The following PARN variants were observed in gnomAD, a reference collection of about 807,000 sequenced individuals.
The protein encoded by PARN is poly(A)-specific ribonuclease.
Under a neutral mutation model 102.8 loss-of-function variants are expected in PARN, and 71 were observed. That is an observed-to-expected ratio of 0.69 (90% CI 0.57 to 0.84). The LOEUF (loss-of-function observed/expected upper bound fraction) is 0.84. Ranked by LOEUF, PARN falls within the 40% of genes least tolerant of loss-of-function variation. The probability of loss-of-function intolerance (pLI) is 0.00; values close to 1 mark genes in which losing one functional copy is unlikely to be tolerated. For missense variants in PARN, 782 were observed against 760.9 expected, an observed-to-expected ratio of 1.03 and a Z score of -0.33; for synonymous variants, 261 against 252.9, an observed-to-expected ratio of 1.03 and a Z score of -0.30.
chr16:14,441,434 A>G (rs1211662676), intron 23 of PARN, among the ~76,000 whole-genome samples: 1 of 152,258 alleles, frequency 6.6e-6, no homozygotes, highest in African/African-American at 2.4e-5. Context: ...ACGGATTCTA[A>G]GAAGCTGCAC....
intron 21 of PARN, among the ~76,000 whole-genome samples, chr16:14,522,471 T>G (rs1462283386): frequency 6.6e-6 from 1 of 152,114 alleles, no homozygotes; most frequent in Non-Finnish European, 1.5e-5. Context: ...GTCCTGGAGT[T>G]TAAGGTCAGC....
intron 21 of PARN, among the ~76,000 whole-genome samples, chr16:14,536,559 T>C (rs569681319): frequency 1.3e-5 from 2 of 152,372 alleles, no homozygotes; most frequent in South Asian, 4.1e-4. Flanking sequence ...TAAAGTGTGC[T>C]GTGCGATCTT....
chr16:14,581,310 C>CTTT (rs1481837349), intron 17 of PARN, among the ~76,000 whole-genome samples: 4 of 152,108 alleles, frequency 2.6e-5, no homozygotes, highest in African/African-American at 9.7e-5. Context: ...CCTCAGCCTC[C>CTTT]TAAAGTGCTG....
At chr16:14,522,298 C>T (rs1965778308) in intron 21 of PARN, among the ~76,000 whole-genome samples, 1 of 152,176 alleles carries the variant, frequency 6.6e-6, no homozygotes, top group Admixed American at 6.5e-5. Flanking sequence ...AAGGTAGAGC[C>T]TCTTCCCACT....
At chr16:14,596,311 G>A (rs1970506088) in intron 12 of PARN, among the ~76,000 whole-genome samples, 1 of 151,902 alleles carries the variant, frequency 6.6e-6, no homozygotes, top group Non-Finnish European at 1.5e-5. Flanking sequence ...AGCTCCAATG[G>A]CCAAAGGTGG....
At chr16:14,497,846 G>A (rs910207111) in intron 21 of PARN, among the ~76,000 whole-genome samples, 3 of 152,100 alleles carry the variant, frequency 2.0e-5, no homozygotes, top group South Asian at 2.1e-4. Flanking sequence ...TTTACTGGCC[G>A]GGTGCGGTGG....
chr16:14,445,755 G>C (rs1216743660), intron 23 of PARN, among the ~76,000 whole-genome samples: 2 of 152,148 alleles, frequency 1.3e-5, no homozygotes, highest in Non-Finnish European at 2.9e-5. Flanking sequence ...GTAGAGACGT[G>C]GTTTTGCCAT....
rs1567284389 is a variant in PARN, at chr16:14,446,953, G to A, written c.1799C>T (p.Pro600Leu). ...ELEQTDSCAE[P>L]LSEGRKKAKK... ...GGCCTTTTTCCTTCCCTCTGAGAGG[G>A]GCTCTGCACAGGAATCGGTCTGCTC... The change falls in exon 23 of 24, where the codon CCC (proline) becomes CTC (leucine). Residue 600 changes from proline (P) to leucine (L), a missense_variant. Transcript: ENST00000437198. 6.2e-7 allele frequency: 1 copy of A among 1,613,566 alleles called. No individual in the cohort carries two copies. The highest frequency in any genetic ancestry group is 8.5e-7 in the Non-Finnish European group (1 of 1,179,670).
intron 13 of PARN, among the ~76,000 whole-genome samples, chr16:14,591,717 T>A (rs1194053215): frequency 6.6e-6 from 1 of 151,856 alleles, no homozygotes; most frequent in African/African-American, 2.4e-5. Context: ...AACTCAAAGA[T>A]GAGAAATAAG....
chr16:14,481,876 G>A (rs1238842543), intron 22 of PARN, among the ~76,000 whole-genome samples: 1 of 152,148 alleles, frequency 6.6e-6, no homozygotes, highest in Non-Finnish European at 1.5e-5. Flanking sequence ...TCTTCTGCAG[G>A]GAGGATTATG....
At chr16:14,619,625 G>A (rs1972162192) in intron 5 of PARN, among the ~76,000 whole-genome samples, 1 of 152,046 alleles carries the variant, frequency 6.6e-6, no homozygotes, top group African/African-American at 2.4e-5. Flanking sequence ...GCCAGGTGTG[G>A]TGGTTCCCAT....
At chr16:14,556,284 G>A (rs111891475) in intron 18 of PARN, among the ~76,000 whole-genome samples, 26,944 of 151,762 alleles carry the variant, frequency 0.18, 2,782 homozygotes, top group Middle Eastern at 0.28. Context: ...TCAGCCTCCC[G>A]AGTTGCTGGG....
At chr16:14,528,516 C>T (rs1340000982) in intron 21 of PARN, among the ~76,000 whole-genome samples, 5 of 152,232 alleles carry the variant, frequency 3.3e-5, no homozygotes, top group Admixed American at 1.3e-4. Context: ...CATACAAACA[C>T]CAAGAGCTTC....
At chr16:14,606,164 C>CT in intron 10 of PARN, among the ~76,000 whole-genome samples, 1 of 152,266 alleles carries the variant, frequency 6.6e-6, no homozygotes, top group African/African-American at 2.4e-5. Context: ...CTCTGCGAGG[C>CT]CGAGGCGGGC....
intron 18 of PARN, among the ~76,000 whole-genome samples, chr16:14,557,207 G>A (rs920747676): frequency 6.6e-5 from 10 of 152,120 alleles, no homozygotes; most frequent in African/African-American, 2.4e-4. Context: ...ATCTGCCCAA[G>A]AAGCAATTAG....
rs8053179 is a variant in PARN at position 14,624,238 on chromosome 16, T to C, written c.327+2868A>G. On this transcript the variant is annotated intron_variant, in intron 5 of 23. Coordinates refer to ENST00000437198, the MANE Select transcript of PARN (RefSeq NM_002582.4). Reference sequence around the variant, plus strand: ...ATTTTGACCCAATTTTCACCCTACTTAATAACTCCAGAAACTAATGCCCTT... The same window carrying C: ...ATTTTGACCCAATTTTCACCCTACTCAATAACTCCAGAAACTAATGCCCTT... Among the ~76,000 whole-genome samples, 87 of 152,340 alleles carry C rather than the reference T, an allele frequency of 5.7e-4. 1 individual carries two copies. The highest frequency in any genetic ancestry group is 1.1e-3 in the Non-Finnish European group (72 of 68,028).
chr16:14,519,403 AG>A (rs1269379755), intron 21 of PARN, among the ~76,000 whole-genome samples: 1 of 151,786 alleles, frequency 6.6e-6, no homozygotes, highest in African/African-American at 2.4e-5. Flanking sequence ...TGTAAAGCTC[AG>A]AAACAATAAC....
chr16:14,528,142 T>C (rs564016117), intron 21 of PARN, among the ~76,000 whole-genome samples: 5 of 152,352 alleles, frequency 3.3e-5, no homozygotes, highest in African/African-American at 9.6e-5. Context: ...AATAAATCCA[T>C]AGCCCTAATG....
At chr16:14,437,287 C>T (rs1037213373) in intron 23 of PARN, among the ~76,000 whole-genome samples, 7 of 152,116 alleles carry the variant, frequency 4.6e-5, no homozygotes, top group Non-Finnish European at 8.8e-5. Flanking sequence ...TGCCAAAGTC[C>T]CTGGAAACTG....
Sources: gnomAD v4.1 joint callset for allele counts (sites outside exome capture counted in the v4.1 genomes callset) on GRCh38, gnomAD v4.1.1 for gene constraint, MANE v1.5 for transcripts, NCBI Gene and HGNC (gene_info 2026-07-23, HGNC 2026-07-21) for gene names.